Variants in MARVELD3 observed in about 807,000 individuals in gnomAD.
MARVELD3 encodes the protein MARVEL domain-containing protein 3.
In MARVELD3, 28 loss-of-function variants were observed where a neutral mutation model predicts 33.5. The ratio of observed to expected loss-of-function variants is 0.84; its 90% CI spans 0.62 to 1.15. The LOEUF (loss-of-function observed/expected upper bound fraction) is 1.15, where lower values mean the gene tolerates loss of function less well. Ranked by LOEUF, MARVELD3 falls within the 50% of genes most tolerant of loss-of-function variation. MARVELD3 has a pLI of 0.00. For missense variants in MARVELD3, 582 were observed against 547.6 expected (o/e 1.06, Z -0.63); for synonymous variants, 241 against 230.4 (o/e 1.05, Z -0.42).
chr16:71,640,321 T>C, downstream of MARVELD3: 1 of 1,518,956 alleles, frequency 6.6e-7, no homozygotes, highest in Non-Finnish European at 8.9e-7. Context: ...TCAGGTGGCC[T>C]GTGGTATGTC....
intron 2 of MARVELD3, among the ~76,000 whole-genome samples, chr16:71,632,584 ATTTC>A (rs1467398918): frequency 1.3e-5 from 2 of 150,808 alleles, no homozygotes; most frequent in Non-Finnish European, 3.0e-5. Context: ...AATTTTTCCT[ATTTC>A]TTTTTTTTTT....
downstream of MARVELD3, chr16:71,640,728 G>A: frequency 1.2e-6 from 2 of 1,614,252 alleles, no homozygotes; most frequent in Non-Finnish European, 1.7e-6. Context: ...CCTAGCGGCA[G>A]TGGGCTACTG....
At chr16:71,638,527 TTGA>T (rs2044596095), downstream of MARVELD3, 1 of 152,428 alleles carries the variant, frequency 6.6e-6, no homozygotes, top group African/African-American at 2.4e-5. Context: ...GACAATTATA[TTGA>T]AACCAATGAA....
chr16:71,627,515 A>AG, intron 1 of MARVELD3, among the ~76,000 whole-genome samples: 1 of 152,022 alleles, frequency 6.6e-6, no homozygotes, highest in East Asian at 1.9e-4. Flanking sequence ...AAAAAAAAAA[A>AG]AAAAGTCAGA....
rs575268216 is a variant in MARVELD3, at chr16:71,626,542, G to A, written c.313G>A (p.Gly105Arg). ...CGCGGGCCCTCGCGCAGGTGAACAC[G>A]GAGTTTGGGAAAAACCGCGCCAAAG... The part of the protein sequence containing the change: ...RDAGPRAGEH[G>R]VWEKPRQSRT... The change falls in exon 1 of 3, where the codon GGA becomes AGA. Residue 105 changes from glycine to arginine, a missense_variant. Coordinates refer to ENST00000268485, the MANE Select transcript of MARVELD3 (RefSeq NM_052858.6). The surrounding 1 kb of genome is among the most constrained non-coding windows in gnomAD (Gnocchi z 5.3). 1.9e-5 allele frequency: 30 copies of A among 1,549,368 alleles called. No homozygotes were observed. The highest frequency in any genetic ancestry group is 2.5e-5 in the Non-Finnish European group (29 of 1,146,878).
rs2044562386 is a variant in MARVELD3 at position 71,634,413 on chromosome 16, GGC to G, written c.817_818del (p.Ala273AsnfsTer4). The G allele has an allele frequency of 1.2e-6, 2 of 1,614,202 alleles. No homozygotes were observed. Among genetic ancestry groups the G allele is most frequent in the East Asian group, 4.5e-5 (2 of 44,886 alleles). ...YQLKLPMVTV[A>X]MACSGALTAL... The stretch of plus-strand genomic sequence containing the variant: ...AGCTAAAGCTGCCCATGGTCACTGT[GGC>G]AATGGCCTGTAGTGGAGCCCTCACA... On this transcript the variant is annotated frameshift_variant, in exon 3 of 3. Transcript: ENST00000268485. LOFTEE classifies it high-confidence loss of function.
chr16:71,630,718 A>G (rs923288204), intron 2 of MARVELD3, among the ~76,000 whole-genome samples: 1 of 152,024 alleles, frequency 6.6e-6, no homozygotes, highest in African/African-American at 2.4e-5. Context: ...CATTTTTTAC[A>G]TTAAGACCGA....
At chr16:71,629,844 C>G (rs770925822) in intron 2 of MARVELD3, among the ~76,000 whole-genome samples, 2 of 152,092 alleles carry the variant, frequency 1.3e-5, no homozygotes, top group African/African-American at 4.8e-5. Context: ...GGCGAGGCAG[C>G]TGAATTAACA....
chr16:71,629,205 G>C (rs533819714), intron 1 of MARVELD3, 162 bp from the exon 2 acceptor site: 1 of 734,462 alleles, frequency 1.4e-6, no homozygotes, highest in South Asian at 2.6e-5. Context: ...GATGTCCCGT[G>C]GGGCCACTAA....
At chr16:71,631,974 G>C (rs1483904100) in intron 2 of MARVELD3, among the ~76,000 whole-genome samples, 1 of 152,156 alleles carries the variant, frequency 6.6e-6, no homozygotes, top group Non-Finnish European at 1.5e-5. Context: ...GATGTTGACA[G>C]GCCGACGTTG....
downstream of MARVELD3, chr16:71,641,013 T>A (rs778408721): frequency 4.4e-6 from 7 of 1,602,136 alleles, no homozygotes; most frequent in Non-Finnish European, 6.0e-6. Flanking sequence ...ATATCTGTGG[T>A]CTGGAACTCT....
chr16:71,631,033 A>G (rs2044527732), intron 2 of MARVELD3, among the ~76,000 whole-genome samples: 2 of 152,230 alleles, frequency 1.3e-5, no homozygotes, highest in South Asian at 4.1e-4. Flanking sequence ...TACTATGACT[A>G]AGGGAGAAAA....
In MARVELD3 at chr16:71,626,948, T is replaced by G; in HGVS notation, c.467+252T>G. On this transcript the variant is annotated intron_variant, in intron 1 of 2. Coordinates refer to ENST00000268485, the MANE Select transcript of MARVELD3 (RefSeq NM_052858.6). This position sits in a 1 kb window ranked among gnomAD's most constrained non-coding sequence, Gnocchi z 5.3. ...TGAGCAGTGGCTGGGCTGGAGGACC[T>G]GGAGAAGAGAAAGAGAGGCCCCGGG... The G allele has an allele frequency of 7.5e-6, 3 of 399,306 alleles. No homozygotes were observed. The highest frequency in any genetic ancestry group is 1.3e-5 in the Non-Finnish European group (3 of 228,822). The allele number at this position is 399,306 out of a possible 1,614,324, so 24.7% of individuals were successfully genotyped here.
intron 2 of MARVELD3, among the ~76,000 whole-genome samples, chr16:71,632,724 A>C (rs2044544912): frequency 6.6e-6 from 1 of 151,214 alleles, no homozygotes; most frequent in South Asian, 2.1e-4. Context: ...CGATTCTTCC[A>C]CCTCAGCCTC....
downstream of MARVELD3, chr16:71,638,330 C>G (rs765487891): frequency 6.6e-6 from 1 of 152,248 alleles, no homozygotes; most frequent in Non-Finnish European, 1.5e-5. Flanking sequence ...ACAATGAAGT[C>G]GAAGGCCACT....
At position 71,636,050 on chromosome 16, in the gene MARVELD3, G is replaced by A; in HGVS notation, c.*1247G>A. ...GTTACTTTTGGTCAGACAACTTCAT[G>A]GGTTCTTACTGCACATTAAATTATG... On this transcript the variant is annotated 3_prime_UTR_variant, in exon 3 of 3. Coordinates refer to ENST00000268485, the MANE Select transcript of MARVELD3 (RefSeq NM_052858.6). The A allele has an allele frequency of 4.1e-6, 4 of 985,282 alleles. No homozygotes were observed. Among genetic ancestry groups the A allele is most frequent in the Non-Finnish European group, 4.8e-6 (4 of 829,918 alleles). 61.0% of individuals were successfully genotyped at this position (985,282 alleles called of 1,614,324 possible).
In MARVELD3 at chr16:71,629,447, A is replaced by C. The variant is rs375223782; in HGVS notation, c.548A>C (p.Glu183Ala). The C allele has an allele frequency of 1.3e-6, 2 of 1,580,838 alleles. No homozygotes were observed. Among genetic ancestry groups the C allele is most frequent in the Non-Finnish European group, 1.7e-6 (2 of 1,167,020 alleles). Residue 183 changes from glutamate (E) to alanine (A), a missense_variant, in exon 2 of 3, where the codon GAA becomes GCA. By Grantham distance (107) the Glu-to-Ala change is moderately radical. Coordinates refer to ENST00000268485, the MANE Select transcript of MARVELD3 (RefSeq NM_052858.6). ...EEVEYYQSEA[E>A]GLLECHKCKY... ...GTGGAATATTACCAGTCAGAGGCGG[A>C]AGGACTCCTGGAATGCCACAAATGC...
chr16:71,636,286 T>G lies in MARVELD3; in HGVS notation c.*1483T>G. 1 of 438,136 alleles carries G rather than the reference T, an allele frequency of 2.3e-6. No homozygotes were observed. Among genetic ancestry groups the G allele is most frequent in the Non-Finnish European group, 3.0e-6 (1 of 328,944 alleles). The allele number at this position is 438,136 out of a possible 1,614,324, so 27.1% of individuals were successfully genotyped here. A position where few individuals can be genotyped will look rare whatever the true frequency, so the allele number is the denominator to read the frequency against. On this transcript the variant is annotated 3_prime_UTR_variant, in exon 3 of 3. Transcript: ENST00000268485. ...AATTTTTCACATTTAAAAGGTGAGT[T>G]CCATTTGAGTTTAGAAAAGGAAATA...
chr16:71,629,451 A>T lies in MARVELD3; in HGVS notation c.552A>T (p.Gly184=). The T allele has an allele frequency of 1.3e-6, 2 of 1,576,866 alleles. No homozygotes were observed. ...EVEYYQSEAE[G]LLECHKCKYL... is the part of the protein sequence containing the mutation. The stretch of plus-strand genomic sequence containing the variant: ...AATATTACCAGTCAGAGGCGGAAGG[A>T]CTCCTGGAATGCCACAAATGCAAAT... Residue 184 remains glycine, a synonymous_variant, in exon 2 of 3, where the codon GGA becomes GGT. Coordinates refer to ENST00000268485, the MANE Select transcript of MARVELD3 (RefSeq NM_052858.6).
Sources: gnomAD v4.1 joint callset for allele counts (sites outside exome capture counted in the v4.1 genomes callset) on GRCh38, gnomAD v4.1.1 for gene constraint, Gnocchi (gnomAD v3.1) non-coding constraint, MANE v1.5 for transcripts, NCBI Gene and HGNC (gene_info 2026-07-23, HGNC 2026-07-21) for gene names.